Variants in TNKS observed in about 807,000 individuals in gnomAD.
TNKS encodes the protein tankyrase.
A neutral mutation model predicts 135.8 loss-of-function variants in TNKS; 72 were observed. That is an observed-to-expected ratio of 0.53 (90% CI 0.44 to 0.64). The LOEUF (loss-of-function observed/expected upper bound fraction) is 0.64, where lower values mean the gene tolerates loss of function less well. TNKS is among the 30% of genes least tolerant of loss of function. The pLI is 0.00. For synonymous variants in TNKS, 849 were observed against 649.3 expected (o/e 1.31, Z -4.68); for missense variants, 1,769 against 1,674.0 (o/e 1.06, Z -0.99).
At chr8:9,566,446 A>G (rs1438412473) in intron 1 of TNKS, 2 of 152,254 alleles carry the variant, frequency 1.3e-5, no homozygotes, top group South Asian at 2.1e-4. Flanking sequence ...ATATAATAAG[A>G]TAATTTCATT....
intron 5 of TNKS, among the ~76,000 whole-genome samples, chr8:9,700,114 A>G (rs534370975): frequency 6.6e-5 from 10 of 152,226 alleles, no homozygotes; most frequent in African/African-American, 2.4e-4. Context: ...GGTTTAGACC[A>G]GCATCCTCCA....
chr8:9,712,189 T>C (rs1166738981), intron 11 of TNKS, among the ~76,000 whole-genome samples: 1 of 152,216 alleles, frequency 6.6e-6, no homozygotes, highest in African/African-American at 2.4e-5. Context: ...AAAATGAACT[T>C]AGAGCCACGT....
Position 9,593,023 on chromosome 8 carries a change from G to A in TNKS, c.898+12640G>A, listed in dbSNP as rs1400012853. ...TCATGCATTAACTTTTGGTTATAAT[G>A]GGTTTTCCACAAAGGATAGTAAAAC... is the stretch of plus-strand genomic sequence containing the variant. On this transcript the variant is annotated intron_variant, in intron 2 of 26. Transcript: ENST00000310430. Among the ~76,000 whole-genome samples the A allele has an allele frequency of 2.6e-5, 4 of 152,086 alleles. No homozygotes were observed. The South Asian group carries it at 6.2e-4, about 24-fold the overall frequency.
intron 3 of TNKS, among the ~76,000 whole-genome samples, chr8:9,638,324 A>G (rs892397013): frequency 1.3e-5 from 2 of 152,190 alleles, no homozygotes; most frequent in Admixed American, 6.5e-5. Context: ...TTCCATGTCA[A>G]TGTTACTTAC....
intron 11 of TNKS, among the ~76,000 whole-genome samples, chr8:9,715,985 C>A (rs76524226): frequency 1.3e-5 from 2 of 152,166 alleles, no homozygotes; most frequent in Non-Finnish European, 2.9e-5. Flanking sequence ...TACGCCCCAA[C>A]TGCATATGGT....
rs1377624331 is a variant in TNKS at position 9,733,368 on chromosome 8, C to T, written c.2237C>T (p.Ala746Val). ...AGGCATGGGGCTTCTGTCAATGTGG[C>T]GGACTTATGGAAATTTACCCCTCTC... ...LVRHGASVNV[A>V]DLWKFTPLHE... Residue 746 changes from alanine (A) to valine (V), a missense_variant, in exon 15 of 27, where the codon GCG becomes GTG. Transcript: ENST00000310430. 4.3e-6 allele frequency: 7 copies of T among 1,612,688 alleles called. No individual in the cohort carries two copies. Among genetic ancestry groups the T allele is most frequent in the Non-Finnish European group, 5.9e-6 (7 of 1,179,498 alleles).
intron 1 of TNKS, among the ~76,000 whole-genome samples, chr8:9,568,969 A>G (rs1042309052): frequency 1.3e-5 from 2 of 152,322 alleles, no homozygotes; most frequent in African/African-American, 4.8e-5. Flanking sequence ...CATTTAGAAA[A>G]TATTGGTTCT....
intron 5 of TNKS, among the ~76,000 whole-genome samples, chr8:9,694,065 T>G (rs1292065080): frequency 1.3e-5 from 2 of 152,194 alleles, no homozygotes; most frequent in African/African-American, 2.4e-5. Flanking sequence ...TGTCACAGTT[T>G]AGAGGGCTCT....
intron 25 of TNKS, among the ~76,000 whole-genome samples, chr8:9,767,940 C>CAG (rs1203489462): frequency 4.0e-5 from 5 of 126,444 alleles, no homozygotes; most frequent in Admixed American, 9.6e-5. Flanking sequence ...GCCTGGGCGA[C>CAG]AGAGAGAGAC....
chr8:9,679,707 G>A (rs954917947), intron 3 of TNKS: 5 of 457,488 alleles, frequency 1.1e-5, no homozygotes, highest in Non-Finnish European at 2.0e-5. Context: ...AGCATTCATT[G>A]GTTGTCTGAA....
intron 18 of TNKS, among the ~76,000 whole-genome samples, chr8:9,750,015 C>G (rs1231469336): frequency 6.6e-6 from 1 of 152,178 alleles, no homozygotes; most frequent in Non-Finnish European, 1.5e-5. Context: ...CAGCCAAAAG[C>G]TCCACCCACA....
intron 3 of TNKS, among the ~76,000 whole-genome samples, chr8:9,647,169 G>A (rs1425891528): frequency 6.6e-6 from 1 of 152,124 alleles, no homozygotes; most frequent in Non-Finnish European, 1.5e-5. Flanking sequence ...CATAGAAACA[G>A]ACACACACAT....
intron 3 of TNKS, among the ~76,000 whole-genome samples, chr8:9,617,104 G>A (rs962952384): frequency 6.6e-6 from 1 of 152,136 alleles, no homozygotes; most frequent in Admixed American, 6.5e-5. Flanking sequence ...ATGCAACAAC[G>A]CTTTTAGATC....
intron 14 of TNKS, among the ~76,000 whole-genome samples, chr8:9,731,949 G>A (rs534182305): frequency 2.6e-5 from 4 of 152,076 alleles, no homozygotes; most frequent in South Asian, 2.1e-4. Context: ...CACCACGCCC[G>A]GCTAATTTTT....
At chr8:9,636,710 T>C (rs758911189) in intron 3 of TNKS, among the ~76,000 whole-genome samples, 1 of 152,186 alleles carries the variant, frequency 6.6e-6, no homozygotes, top group Non-Finnish European at 1.5e-5. Context: ...TTCCATAAGA[T>C]GACAATAGAT....
At chr8:9,671,967 G>A (rs76122326) in intron 3 of TNKS, among the ~76,000 whole-genome samples, 1,906 of 152,264 alleles carry the variant, frequency 0.013, 41 homozygotes, top group African/African-American at 0.042. Context: ...TGCCCAGGGC[G>A]TGAACCTTCC....
chr8:9,634,723 G>A (rs1585257809), intron 3 of TNKS, among the ~76,000 whole-genome samples: 1 of 152,126 alleles, frequency 6.6e-6, no homozygotes, highest in East Asian at 1.9e-4. Flanking sequence ...CCTAGAAGCA[G>A]TGAGACCCCA....
At chr8:9,573,479 C>T (rs796972136) in intron 1 of TNKS, among the ~76,000 whole-genome samples, 48 of 152,278 alleles carry the variant, frequency 3.2e-4, no homozygotes, top group African/African-American at 1.1e-3. Flanking sequence ...ATTCAGTTTA[C>T]GTATCCAGTT....
chr8:9,772,793 ATGTGTGTGTGTGTGTTTGTGTG>A (rs1424175892), intron 26 of TNKS, among the ~76,000 whole-genome samples: 44 of 123,874 alleles, frequency 3.6e-4, no homozygotes, highest in African/African-American at 1.1e-3. Context: ...TTTGGGGAGA[ATGTGTGTGTGTGTGTTTGTGTG>A]TGTGTGTGTG....
Sources: gnomAD v4.1 joint callset for allele counts (sites outside exome capture counted in the v4.1 genomes callset) on GRCh38, gnomAD v4.1.1 for gene constraint, MANE v1.5 for transcripts, NCBI Gene and HGNC (gene_info 2026-07-23, HGNC 2026-07-21) for gene names.